DCTN6: variants seen among roughly 807,000 people sequenced by gnomAD.
The protein encoded by DCTN6 is dynactin 6.
DCTN6 carries 15 observed loss-of-function variants against 25.8 expected under a neutral mutation model. The observed-to-expected ratio is 0.58, with a 90% confidence interval of 0.39 to 0.89. The LOEUF is 0.89. Among genes scored for constraint, DCTN6 ranks in the 40% least tolerant of loss-of-function variants. DCTN6 has a pLI of 0.00. For synonymous variants in DCTN6, 64 were observed against 78.3 expected (o/e 0.82, Z 0.96); for missense variants, 198 against 237.6 (o/e 0.83, Z 1.09).
intron 5 of DCTN6, among the ~76,000 whole-genome samples, chr8:30,180,079 A>G (rs1803892131): frequency 6.6e-6 from 1 of 152,218 alleles, no homozygotes; most frequent in Non-Finnish European, 1.5e-5. Context: ...AATGACTTTT[A>G]TTTTAATTTG....
chr8:30,177,566 A>C (rs187123507), intron 4 of DCTN6: 1 of 159,620 alleles, frequency 6.3e-6, no homozygotes, highest in Admixed American at 6.1e-5. Context: ...AAATTACAAG[A>C]ATTAGCTGGG....
chr8:30,174,760 CT>C (rs1261503600), intron 2 of DCTN6, among the ~76,000 whole-genome samples: 3 of 152,224 alleles, frequency 2.0e-5, no homozygotes, highest in Admixed American at 6.5e-5. Context: ...ATTATCGCCC[CT>C]AGCCCTTACA....
chr8:30,169,020 G>C (rs571148665), intron 2 of DCTN6, among the ~76,000 whole-genome samples: 1 of 152,228 alleles, frequency 6.6e-6, no homozygotes, highest in African/African-American at 2.4e-5. Flanking sequence ...ATTACAGGGC[G>C]AGAGGCCGGG....
chr8:30,164,068 T>C (rs1803633384), intron 1 of DCTN6, 43 bp from the exon 2 acceptor site: 1 of 1,536,050 alleles, frequency 6.5e-7, no homozygotes, highest in South Asian at 1.1e-5. Flanking sequence ...CAACAGTATG[T>C]TTAATCTTAC....
At chr8:30,178,869 T>C (rs1803878386) in intron 4 of DCTN6, among the ~76,000 whole-genome samples, 1 of 152,274 alleles carries the variant, frequency 6.6e-6, no homozygotes, top group South Asian at 2.1e-4. Context: ...TTGCCCAGGC[T>C]GGTCCTTGAA....
intron 1 of DCTN6, among the ~76,000 whole-genome samples, chr8:30,157,216 G>A (rs952751952): frequency 5.4e-4 from 82 of 152,198 alleles, no homozygotes; most frequent in Middle Eastern, 3.4e-3. Flanking sequence ...CTGAGTTATC[G>A]CGTAAGGTAA....
intron 2 of DCTN6, among the ~76,000 whole-genome samples, chr8:30,173,802 C>G (rs567580231): frequency 1.3e-5 from 2 of 152,084 alleles, no homozygotes; most frequent in African/African-American, 4.8e-5. Flanking sequence ...TCCCCCACCC[C>G]CTCTATCAAC....
In DCTN6 at chr8:30,183,499, CT is replaced by C. The variant is rs1803936798; in HGVS notation, c.*327del. ...AGACATACTGTCATGTATTTATATTCTAGCATAGACTAAACTGAATAAAAAT... is the reference window on the plus strand; with the variant it reads ...AGACATACTGTCATGTATTTATATTCAGCATAGACTAAACTGAATAAAAAT... On this transcript the variant is annotated 3_prime_UTR_variant, in exon 7 of 7. Coordinates refer to ENST00000221114, the MANE Select transcript of DCTN6 (RefSeq NM_006571.4). The C allele has an allele frequency of 1.1e-5, 2 of 181,172 alleles. No individual in the cohort carries two copies. The highest frequency in any genetic ancestry group is 2.3e-5 in the Non-Finnish European group (2 of 86,878). 11.2% of individuals were successfully genotyped at this position (181,172 alleles called of 1,614,324 possible). A position where few individuals can be genotyped will look rare whatever the true frequency, so the allele number is the denominator to read the frequency against.
intron 6 of DCTN6, chr8:30,180,994 C>A: frequency 3.4e-6 from 1 of 293,906 alleles, no homozygotes; most frequent in Non-Finnish European, 6.2e-6. Context: ...CCACTGCACT[C>A]CAGCCTGAGC....
At chr8:30,167,810 T>G (rs143157078) in intron 2 of DCTN6, among the ~76,000 whole-genome samples, 414 of 152,190 alleles carry the variant, frequency 2.7e-3, no homozygotes, top group Admixed American at 5.0e-3. Context: ...GCGATTCTTG[T>G]GTCTCAGCCT....
chr8:30,179,060 T>C (rs1332996770), intron 4 of DCTN6, among the ~76,000 whole-genome samples: 1 of 152,246 alleles, frequency 6.6e-6, no homozygotes, highest in Non-Finnish European at 1.5e-5. Flanking sequence ...GGAAATTCTA[T>C]ATATTTATAT....
chr8:30,163,851 C>T (rs755447303), intron 1 of DCTN6, among the ~76,000 whole-genome samples: 2 of 151,870 alleles, frequency 1.3e-5, no homozygotes, highest in Non-Finnish European at 2.9e-5. Flanking sequence ...TACAGGTGCT[C>T]GCCACCACGC....
intron 4 of DCTN6, among the ~76,000 whole-genome samples, chr8:30,179,059 A>C (rs963340031): frequency 5.3e-5 from 8 of 152,218 alleles, no homozygotes; most frequent in Admixed American, 1.3e-4. Context: ...AGGAAATTCT[A>C]TATATTTATA....
intron 3 of DCTN6, chr8:30,176,746 T>G (rs1461851346): frequency 5.9e-6 from 1 of 169,780 alleles, no homozygotes; most frequent in Admixed American, 5.8e-5. Context: ...GGGGAGGCCC[T>G]AGCTGGTGGA....
chr8:30,175,190 C>A lies in DCTN6; in HGVS notation c.194C>A (p.Ala65Asp), dbSNP rs191428837. 1 of 1,611,830 alleles carries A rather than the reference C, an allele frequency of 6.2e-7. No homozygotes were observed. Among genetic ancestry groups the A allele is most frequent in the East Asian group, 2.2e-5 (1 of 44,846 alleles). The change falls in exon 3 of 7, where the codon GCT becomes GAT. Residue 65 changes from alanine (A) to aspartate (D), a missense_variant and splice_region_variant. By Grantham distance (126) the Ala-to-Asp change is moderately radical (BLOSUM62 -2). Transcript: ENST00000221114. ...LIEEQALIIN[A>D]YPDNITPDTE... ...GAAGAACAGGCCCTTATCATAAATG[C>A]GTAAGACTCTTATACATACTGTGAA...
chr8:30,176,005 G>A (rs1803827422), intron 3 of DCTN6, among the ~76,000 whole-genome samples: 2 of 152,168 alleles, frequency 1.3e-5, no homozygotes. Flanking sequence ...TTTAAAAATG[G>A]CGTCCACCTC....
intron 2 of DCTN6, among the ~76,000 whole-genome samples, chr8:30,167,412 C>T (rs1286577145): frequency 1.3e-5 from 2 of 152,212 alleles, no homozygotes; most frequent in African/African-American, 2.4e-5. Context: ...CCAGTGTGAT[C>T]ATGGCTCACT....
rs879694363 is a variant in DCTN6, at chr8:30,167,293, C to CA, written c.88+3130dup. Among the ~76,000 whole-genome samples the CA allele has an allele frequency of 1.1e-3, 152 of 143,020 alleles. 1 individual carries two copies. The highest frequency in any genetic ancestry group is 2.8e-3 in the Admixed American group (41 of 14,390). The allele number at this position is 143,020 out of a possible 152,430, so 93.8% of individuals were successfully genotyped here. A position where few individuals can be genotyped will look rare whatever the true frequency, so the allele number is the denominator to read the frequency against. ...TGGATGACAGTGTGAGACCCTGTCTCAAAAAAAAAAAATTACATAAGGAAG... is the reference window on the plus strand; with the variant it reads ...TGGATGACAGTGTGAGACCCTGTCTCAAAAAAAAAAAAATTACATAAGGAAG... On this transcript the variant is annotated intron_variant, in intron 2 of 6. Transcript: ENST00000221114.
intron 3 of DCTN6, among the ~76,000 whole-genome samples, chr8:30,175,750 G>A (rs978549927): frequency 2.0e-5 from 3 of 152,036 alleles, no homozygotes; most frequent in South Asian, 2.1e-4. Flanking sequence ...ACTGTAATAC[G>A]TATGAATTTT....
Sources: gnomAD v4.1 joint callset for allele counts (sites outside exome capture counted in the v4.1 genomes callset) on GRCh38, gnomAD v4.1.1 for gene constraint, MANE v1.5 for transcripts, NCBI Gene and HGNC (gene_info 2026-07-23, HGNC 2026-07-21) for gene names.